The following NAV1 variants were observed in gnomAD, a reference collection of about 807,000 sequenced individuals.
The protein encoded by NAV1 is neuron navigator 1.
In NAV1, 18 loss-of-function variants were observed where a neutral mutation model predicts 175.2. The observed-to-expected ratio is 0.10, with a 90% CI of 0.07 to 0.15. The LOEUF is 0.15. Among genes scored for constraint, NAV1 ranks in the 10% least tolerant of loss-of-function variants. The pLI, the probability that NAV1 is intolerant of heterozygous loss-of-function variation, is 1.00. For missense variants in NAV1, 1,731 were observed against 2,436.6 expected (o/e 0.71, Z 6.10); for synonymous variants, 897 against 978.7 (o/e 0.92, Z 1.56).
rs545568080 is a variant in NAV1 at position 201,583,216 on chromosome 1, G to A, written c.-143-5323G>A. Reference sequence around the variant, plus strand: ...CTTTGTGTGCCTCGGCTGGGCTCACGCTGCGTCAGGCTCGCCCGTGTTGGT... The same window carrying A: ...CTTTGTGTGCCTCGGCTGGGCTCACACTGCGTCAGGCTCGCCCGTGTTGGT... On this transcript the variant is annotated intron_variant, in intron 1 of 33. Transcript: ENST00000685211. 1.6e-3 allele frequency among the ~76,000 whole-genome samples: 250 copies of A among 152,326 alleles called. 1 individual carries two copies. The highest frequency in any genetic ancestry group is 5.6e-3 in the African/African-American group (232 of 41,580).
chr1:201,793,908 G>GGGGGCCC, intron 14 of NAV1, 33 bp downstream of exon 18: 1 of 492,386 alleles, frequency 2.0e-6, no homozygotes, highest in Non-Finnish European at 4.1e-6. Context: ...GGAGGGGTGG[G>GGGGGCCC]TGCGGCGAGG....
intron 3 of NAV1, among the ~76,000 whole-genome samples, chr1:201,734,461 G>A (rs1334846081): frequency 1.9e-5 from 2 of 107,058 alleles, no homozygotes; most frequent in Non-Finnish European, 4.3e-5. Context: ...AGGAGGAGGA[G>A]GAGGAGGAAG....
At chr1:201,654,825 C>G (rs952251330) in intron 1 of NAV1, among the ~76,000 whole-genome samples, 3 of 152,124 alleles carry the variant, frequency 2.0e-5, no homozygotes, top group Non-Finnish European at 4.4e-5. Context: ...TTTACACTCT[C>G]CTAGTGACAG....
chr1:201,824,704 T>G (rs1025139799), exon 30 of NAV1: 3 of 152,150 alleles, frequency 2.0e-5, no homozygotes, highest in Non-Finnish European at 2.9e-5. Flanking sequence ...TGGAGAATTT[T>G]CTGTGACAAG....
At chr1:201,802,507 G>A (rs1677992762) in intron 15 of NAV1, among the ~76,000 whole-genome samples, 1 of 149,798 alleles carries the variant, frequency 6.7e-6, no homozygotes, top group African/African-American at 2.5e-5. Flanking sequence ...GAGGCCGGGC[G>A]CAGTGGCTCG....
chr1:201,642,521 C>T (rs1180054169), intron 2 of NAV1, among the ~76,000 whole-genome samples: 1 of 97,804 alleles, frequency 1.0e-5, no homozygotes, highest in Non-Finnish European at 2.0e-5. Flanking sequence ...CTCTTTCTTT[C>T]TTTTTTTCTT....
chr1:201,749,760 G>T (rs1167324755), intron 3 of NAV1, among the ~76,000 whole-genome samples: 1 of 152,116 alleles, frequency 6.6e-6, no homozygotes, highest in East Asian at 1.9e-4. Flanking sequence ...AATTAGCCAG[G>T]CATGGTGACA....
chr1:201,549,942 C>T (rs897883421), intron 1 of NAV1, among the ~76,000 whole-genome samples: 17 of 135,524 alleles, frequency 1.3e-4, no homozygotes, highest in African/African-American at 3.3e-4. Flanking sequence ...ACCCAGGAGG[C>T]GGAGCTTACA....
At chr1:201,562,690 T>C (rs1424729483) in intron 1 of NAV1, among the ~76,000 whole-genome samples, 1 of 152,250 alleles carries the variant, frequency 6.6e-6, no homozygotes, top group African/African-American at 2.4e-5. Context: ...CAGGTCATTC[T>C]AGGACTGTAT....
intron 3 of NAV1, among the ~76,000 whole-genome samples, chr1:201,720,446 C>T (rs765615274): frequency 1.3e-5 from 2 of 152,220 alleles, no homozygotes; most frequent in Non-Finnish European, 2.9e-5. Context: ...CAGCACAGCT[C>T]CCAAACTGAT....
intron 24 of NAV1, 100 bp from the exon 29 acceptor site, chr1:201,811,503 G>A: frequency 7.0e-7 from 1 of 1,429,842 alleles, no homozygotes; most frequent in Non-Finnish European, 9.7e-7. Context: ...AAGGCCCCAG[G>A]GGAATCTAGA....
intron 3 of NAV1, among the ~76,000 whole-genome samples, chr1:201,744,846 A>G (rs894902297): frequency 2.1e-4 from 32 of 152,226 alleles, no homozygotes; most frequent in African/African-American, 5.8e-4. Flanking sequence ...TTCATCAGTC[A>G]CACAGACTTC....
At chr1:201,596,468 A>C (rs538215584) in intron 2 of NAV1, among the ~76,000 whole-genome samples, 169 of 152,362 alleles carry the variant, frequency 1.1e-3, no homozygotes, top group African/African-American at 3.9e-3. Flanking sequence ...CTCATGTGAA[A>C]GAACCACAGC....
At chr1:201,714,164 G>A (rs1052652082) in intron 2 of NAV1, among the ~76,000 whole-genome samples, 1 of 152,182 alleles carries the variant, frequency 6.6e-6, no homozygotes, top group African/African-American at 2.4e-5. Context: ...ACACGCCTTG[G>A]CCTCCCAAAG....
intron 2 of NAV1, among the ~76,000 whole-genome samples, chr1:201,610,225 C>CT (rs1414243023): frequency 1.5e-4 from 23 of 152,354 alleles, no homozygotes; most frequent in Middle Eastern, 3.4e-3. Context: ...TTCATTAGCA[C>CT]TAAATCATTT....
intron 2 of NAV1, among the ~76,000 whole-genome samples, chr1:201,611,529 A>G (rs1233080454): frequency 6.6e-6 from 1 of 152,172 alleles, no homozygotes; most frequent in African/African-American, 2.4e-5. Flanking sequence ...GTGGGGGAAG[A>G]TAACTGGAGT....
rs915619684 is a variant in NAV1 at position 201,652,789 on chromosome 1, G to A, written c.757+3364G>A. Among the ~76,000 whole-genome samples the A allele has an allele frequency of 7.9e-5, 12 of 152,276 alleles. 1 individual carries two copies. The highest frequency in any genetic ancestry group is 3.4e-3 in the Middle Eastern group (1 of 294). ...TAAAGAGAGCCTGTATTAATACAGCGCAATAGAATACAGATGCACCTCAAT... is the reference window on the plus strand; with the variant it reads ...TAAAGAGAGCCTGTATTAATACAGCACAATAGAATACAGATGCACCTCAAT... On this transcript the variant is annotated intron_variant, in intron 1 of 29. Coordinates refer to ENST00000367296, the Ensembl canonical transcript of NAV1.
chr1:201,630,890 A>G (rs1368599290), intron 2 of NAV1, among the ~76,000 whole-genome samples: 1 of 152,202 alleles, frequency 6.6e-6, no homozygotes, highest in African/African-American at 2.4e-5. Flanking sequence ...GAGCCTAATG[A>G]TCTCCATGCA....
rs1274147764 is a variant in NAV1 at position 201,813,484 on chromosome 1, CCTT to C, written c.5340+229_5340+231del. On this transcript the variant is annotated intron_variant, in intron 28 of 29. Coordinates refer to ENST00000367296, the Ensembl canonical transcript of NAV1. The surrounding 1 kb of genome is among the most constrained non-coding windows in gnomAD (Gnocchi z 4.2). ...CTGGGGCCATCTCTCCAGTCCTAGGCCTTCTGGCTCTAAGCCCAATTTAAACCA... is the reference window on the plus strand; with the variant it reads ...CTGGGGCCATCTCTCCAGTCCTAGGCCTGGCTCTAAGCCCAATTTAAACCA... 1.3e-5 allele frequency among the ~76,000 whole-genome samples: 2 copies of C among 152,152 alleles called. No homozygotes were observed. Among genetic ancestry groups the C allele is most frequent in the Non-Finnish European group, 2.9e-5 (2 of 68,030 alleles).
Sources: gnomAD v4.1 joint callset for allele counts (sites outside exome capture counted in the v4.1 genomes callset) on GRCh38, gnomAD v4.1.1 for gene constraint, Gnocchi (gnomAD v3.1) non-coding constraint, MANE v1.5 for transcripts, NCBI Gene and HGNC (gene_info 2026-07-23, HGNC 2026-07-21) for gene names.